ZFPM2: variants seen among roughly 807,000 people sequenced by gnomAD.
The protein encoded by ZFPM2 is zinc finger protein ZFPM2.
Under a neutral mutation model 98.6 loss-of-function variants are expected in ZFPM2, and 20 were observed. The ratio of observed to expected loss-of-function variants is 0.20; its 90% CI spans 0.14 to 0.29. ZFPM2 has a LOEUF of 0.29. Ranked by LOEUF, ZFPM2 falls within the 10% of genes least tolerant of loss-of-function variation. The pLI is 1.00. For synonymous variants in ZFPM2, 518 were observed against 502.7 expected, an observed-to-expected ratio of 1.03 and a Z score of -0.41; for missense variants, 1,310 against 1,388.6, an observed-to-expected ratio of 0.94 and a Z score of 0.90.
intron 5 of ZFPM2, chr8:105,787,003 G>A (rs553977402): frequency 1.3e-5 from 2 of 152,260 alleles, no homozygotes; most frequent in African/African-American, 4.8e-5. Context: ...CTAGCTCTCC[G>A]TTACACAGCC....
chr8:105,666,737 A>C (rs1457005512), intron 5 of ZFPM2, among the ~76,000 whole-genome samples: 5 of 152,208 alleles, frequency 3.3e-5, no homozygotes, highest in Non-Finnish European at 1.5e-5. Context: ...GAAACTGCTG[A>C]AACGTTAACA....
At chr8:105,403,674 A>G (rs1811383467) in intron 1 of ZFPM2, among the ~76,000 whole-genome samples, 1 of 151,820 alleles carries the variant, frequency 6.6e-6, no homozygotes, top group African/African-American at 2.4e-5. Flanking sequence ...TAACATATAC[A>G]TTTTTAACAG....
intron 3 of ZFPM2, among the ~76,000 whole-genome samples, chr8:105,452,142 T>C (rs115728598): frequency 0.049 from 7,483 of 152,260 alleles, 597 homozygotes; most frequent in African/African-American, 0.17. Context: ...GAATGCTGTT[T>C]ATACAAGTGA....
At chr8:105,612,252 T>C (rs911745266) in intron 4 of ZFPM2, among the ~76,000 whole-genome samples, 1 of 152,176 alleles carries the variant, frequency 6.6e-6, no homozygotes, top group Non-Finnish European at 1.5e-5. Flanking sequence ...AATATTCTAT[T>C]TACTGCATTT....
At chr8:105,755,005 C>T (rs193252047) in intron 5 of ZFPM2, among the ~76,000 whole-genome samples, 4 of 150,268 alleles carry the variant, frequency 2.7e-5, no homozygotes, top group African/African-American at 7.3e-5. Context: ...TGTGCGCATG[C>T]GTGTGTGTTG....
chr8:105,731,774 C>T (rs1390957500), intron 5 of ZFPM2, among the ~76,000 whole-genome samples: 1 of 151,658 alleles, frequency 6.6e-6, no homozygotes, highest in African/African-American at 2.4e-5. Context: ...TTTAAAAAAT[C>T]ACTTTGCATG....
intron 5 of ZFPM2, among the ~76,000 whole-genome samples, chr8:105,705,350 A>G (rs1172763212): frequency 6.6e-6 from 1 of 152,184 alleles, no homozygotes; most frequent in Non-Finnish European, 1.5e-5. Context: ...AAATACCAAT[A>G]TATAACGTGT....
intron 5 of ZFPM2, among the ~76,000 whole-genome samples, chr8:105,709,329 A>G (rs1811328603): frequency 6.6e-6 from 1 of 152,192 alleles, no homozygotes; most frequent in Non-Finnish European, 1.5e-5. Context: ...CAGTTTTATT[A>G]TAGTCTATAT....
Position 105,639,129 on chromosome 8 carries a change from C to T in ZFPM2, c.532+4772C>T, listed in dbSNP as rs1816903055. 2.0e-5 allele frequency among the ~76,000 whole-genome samples: 3 copies of T among 152,156 alleles called. No homozygotes were observed. The South Asian group carries it at 6.2e-4, about 32-fold the overall frequency. ...GCTGGAGAGTAGGGTGAGCAAAGGC[C>T]TGCCCACTTACTCCTAAAATCCACT... is the stretch of plus-strand genomic sequence containing the variant. On this transcript the variant is annotated intron_variant, in intron 5 of 7. Coordinates refer to ENST00000407775, the MANE Select transcript of ZFPM2 (RefSeq NM_012082.4).
chr8:105,750,271 T>C (rs1016316500), intron 5 of ZFPM2, among the ~76,000 whole-genome samples: 1 of 152,054 alleles, frequency 6.6e-6, no homozygotes, highest in Non-Finnish European at 1.5e-5. Context: ...CTGTCTTGGT[T>C]ACGTATCTAT....
chr8:105,396,165 A>G (rs568565415), intron 1 of ZFPM2, among the ~76,000 whole-genome samples: 1 of 152,190 alleles, frequency 6.6e-6, no homozygotes, highest in Non-Finnish European at 1.5e-5. Context: ...AAGCTTGTCC[A>G]TGATAGGAAA....
chr8:105,792,561 G>T (rs1813650149), intron 6 of ZFPM2, among the ~76,000 whole-genome samples: 1 of 152,170 alleles, frequency 6.6e-6, no homozygotes, highest in Admixed American at 6.5e-5. Flanking sequence ...TGTATATTCT[G>T]TTGATTTGGT....
chr8:105,319,067 G>C, intron 1 of ZFPM2, 86 bp downstream of exon 1: 1 of 1,401,694 alleles, frequency 7.1e-7, no homozygotes, highest in East Asian at 3.1e-5. Flanking sequence ...GGTGGGTGGC[G>C]GGGCTAGGGG....
At chr8:105,439,689 T>A (rs2130185077) in intron 2 of ZFPM2, among the ~76,000 whole-genome samples, 1 of 152,326 alleles carries the variant, frequency 6.6e-6, no homozygotes, top group African/African-American at 2.4e-5. Context: ...CTACATGTTT[T>A]CCAAAGTCCC....
intron 3 of ZFPM2, among the ~76,000 whole-genome samples, chr8:105,476,384 T>G (rs1197768802): frequency 2.6e-5 from 4 of 152,192 alleles, no homozygotes; most frequent in Non-Finnish European, 5.9e-5. Context: ...CTAAGGAATC[T>G]AGGTTGCACG....
chr8:105,632,416 C>A (rs1816771011), intron 4 of ZFPM2, among the ~76,000 whole-genome samples: 1 of 152,106 alleles, frequency 6.6e-6, no homozygotes, highest in African/African-American at 2.4e-5. Context: ...GTGAGTCATC[C>A]ACTTCGGCCT....
intron 4 of ZFPM2, among the ~76,000 whole-genome samples, chr8:105,589,132 C>T (rs920738306): frequency 2.6e-5 from 4 of 152,118 alleles, no homozygotes; most frequent in Admixed American, 6.5e-5. Context: ...TCCATGGAGC[C>T]CCCTCTAATC....
chr8:105,651,682 T>C (rs1817181411), intron 5 of ZFPM2, among the ~76,000 whole-genome samples: 1 of 152,174 alleles, frequency 6.6e-6, no homozygotes, highest in Admixed American at 6.5e-5. Flanking sequence ...AAGCTGGATG[T>C]GAACACCTCA....
chr8:105,321,643 T>C (rs1485150208), intron 1 of ZFPM2, among the ~76,000 whole-genome samples: 2 of 152,100 alleles, frequency 1.3e-5, no homozygotes, highest in Non-Finnish European at 2.9e-5. Context: ...CTATCTAAAA[T>C]TGTGATTTAT....
Sources: gnomAD v4.1 joint callset for allele counts (sites outside exome capture counted in the v4.1 genomes callset) on GRCh38, gnomAD v4.1.1 for gene constraint, MANE v1.5 for transcripts, NCBI Gene and HGNC (gene_info 2026-07-23, HGNC 2026-07-21) for gene names.